Variants in NVL observed in about 807,000 individuals in gnomAD.
NVL encodes nuclear valosin-containing protein-like.
A neutral mutation model predicts 110.2 loss-of-function variants in NVL; 84 were observed. The ratio of observed to expected loss-of-function variants is 0.76; its 90% CI spans 0.64 to 0.91. The LOEUF (loss-of-function observed/expected upper bound fraction) is 0.91, where lower values mean the gene tolerates loss of function less well. Among genes scored for constraint, NVL ranks in the 40% least tolerant of loss-of-function variants. The pLI is 0.00. For synonymous variants in NVL, 354 were observed against 361.1 expected (o/e 0.98, Z 0.22); for missense variants, 882 against 1,035.9 (o/e 0.85, Z 2.04).
At chr1:224,296,463 T>A in intron 11 of NVL, 38 bp downstream of exon 11, 1 of 1,101,190 alleles carries the variant, frequency 9.1e-7, no homozygotes, top group East Asian at 2.6e-5. Flanking sequence ...TTTTAAAAAA[T>A]TTATTCTCTT....
At chr1:224,274,153 C>T (rs979887587) in intron 17 of NVL, among the ~76,000 whole-genome samples, 5 of 151,246 alleles carry the variant, frequency 3.3e-5, no homozygotes, top group East Asian at 1.9e-4. Flanking sequence ...TAGCCAGGTG[C>T]GGTGGCGGGC....
At chr1:224,326,495 A>G (rs768527230) in intron 1 of NVL, 31 bp from the exon 2 acceptor site, 5 of 1,433,390 alleles carry the variant, frequency 3.5e-6, no homozygotes, top group Non-Finnish European at 4.9e-6. Context: ...AATACAAAAC[A>G]CCCAATATTT....
At chr1:224,300,921 A>G (rs1190319891) in intron 9 of NVL, among the ~76,000 whole-genome samples, 1 of 152,132 alleles carries the variant, frequency 6.6e-6, no homozygotes, top group East Asian at 1.9e-4. Flanking sequence ...CCTGACCAAC[A>G]TGGAGAAACC....
rs1473777774 is a variant in NVL, at chr1:224,308,232, G to C, written c.374C>G (p.Ser125Cys). Residue 125 changes from serine to cysteine, a missense_variant, in exon 6 of 23, where the codon TCT becomes TGT. Physicochemically the swap from Ser to Cys is moderately radical, Grantham distance 112 (BLOSUM62 -1). Coordinates refer to ENST00000281701, the MANE Select transcript of NVL (RefSeq NM_002533.4). The part of the protein sequence containing the change: ...SANHMNSSLL[S>C]LYRKGNPDSV... ...ATCAGGATTTCCTTTCCGATATAAA[G>C]ACAGCAGGGAACTGTTCATGTGATT... The C allele has an allele frequency of 8.1e-6, 13 of 1,611,732 alleles. No individual in the cohort carries two copies. The highest frequency in any genetic ancestry group is 1.0e-5 in the Non-Finnish European group (12 of 1,179,330).
chr1:224,318,712 G>A (rs988592527), intron 2 of NVL, among the ~76,000 whole-genome samples: 7 of 151,162 alleles, frequency 4.6e-5, no homozygotes, highest in African/African-American at 9.7e-5. Context: ...AGCCAGGTGC[G>A]GTGGCTCACT....
intron 11 of NVL, 148 bp downstream of exon 11, chr1:224,296,353 T>C (rs1667883307): frequency 4.2e-6 from 2 of 474,704 alleles, no homozygotes; most frequent in African/African-American, 2.0e-5. Context: ...GTGTTAGGAT[T>C]ACAGGCATGA....
At chr1:224,235,893 A>G (rs1660408984) in intron 20 of NVL, among the ~76,000 whole-genome samples, 1 of 151,320 alleles carries the variant, frequency 6.6e-6, no homozygotes, top group East Asian at 1.9e-4. Flanking sequence ...TGATCATGCC[A>G]CTGTACTCCA....
At position 224,227,547 on chromosome 1, in the gene NVL, A is replaced by C; in HGVS notation, c.*79T>G. On this transcript the variant is annotated 3_prime_UTR_variant, in exon 23 of 23. Transcript: ENST00000281701. ...ATGAGGCCGCGCCTGTGTCCAGCTGAAAGTGGGTCCTTCAGAGCGTGTGGG... is the reference window on the plus strand; with the variant it reads ...ATGAGGCCGCGCCTGTGTCCAGCTGCAAGTGGGTCCTTCAGAGCGTGTGGG... 1 of 1,322,090 alleles carries C rather than the reference A, an allele frequency of 7.6e-7. No individual in the cohort carries two copies. The highest frequency in any genetic ancestry group is 1.1e-6 in the Non-Finnish European group (1 of 944,402). 81.9% of individuals were successfully genotyped at this position (1,322,090 alleles called of 1,614,324 possible).
intron 19 of NVL, among the ~76,000 whole-genome samples, chr1:224,244,035 T>G (rs1661517821): frequency 6.6e-6 from 1 of 151,992 alleles, no homozygotes; most frequent in African/African-American, 2.4e-5. Context: ...TTTTCTGAGA[T>G]ATTTTAATGA....
chr1:224,228,665 C>T lies in NVL; in HGVS notation c.2527-995G>A, dbSNP rs1204864907. ...TAAGAAACTGCCAGAATGGGCCGGGCGCGGTGGCTCACACCTGTAATCCCA... is the reference window on the plus strand; with the variant it reads ...TAAGAAACTGCCAGAATGGGCCGGGTGCGGTGGCTCACACCTGTAATCCCA... On this transcript the variant is annotated intron_variant, in intron 22 of 22. Coordinates refer to ENST00000281701, the MANE Select transcript of NVL (RefSeq NM_002533.4). Among the ~76,000 whole-genome samples the T allele has an allele frequency of 6.0e-5, 9 of 148,830 alleles. No homozygotes were observed. In the East Asian group the frequency reaches 1.7e-3, roughly 28 times the overall value.
chr1:224,250,366 TA>T (rs751667116), intron 18 of NVL, 48 bp from the exon 19 acceptor site: 12 of 1,427,618 alleles, frequency 8.4e-6, no homozygotes, highest in South Asian at 1.5e-5. Context: ...CTTTTATTTT[TA>T]TTTTTTTATT....
chr1:224,322,220 G>C (rs1670718353), intron 2 of NVL, among the ~76,000 whole-genome samples: 2 of 150,896 alleles, frequency 1.3e-5, no homozygotes, highest in South Asian at 4.2e-4. Flanking sequence ...AGCTAAGACA[G>C]ACTACAGGTG....
chr1:224,242,007 G>GGACA (rs1293985067), intron 19 of NVL, among the ~76,000 whole-genome samples: 1 of 151,826 alleles, frequency 6.6e-6, no homozygotes, highest in African/African-American at 2.4e-5. Flanking sequence ...ACTCTAGCCT[G>GGACA]GACATCAAGA....
intron 19 of NVL, among the ~76,000 whole-genome samples, chr1:224,243,008 C>T (rs1050857503): frequency 6.6e-6 from 1 of 151,514 alleles, no homozygotes; most frequent in South Asian, 2.1e-4. Flanking sequence ...AATGAGATCA[C>T]CTCATTCAGG....
chr1:224,251,196 C>T (rs1422216203), intron 18 of NVL, among the ~76,000 whole-genome samples: 1 of 147,584 alleles, frequency 6.8e-6, no homozygotes, highest in Non-Finnish European at 1.5e-5. Context: ...ATTGCTTGAG[C>T]CTGGGAGATG....
intron 10 of NVL, 36 bp downstream of exon 10, chr1:224,300,526 G>A (rs201399757): frequency 2.2e-5 from 32 of 1,481,724 alleles, no homozygotes; most frequent in African/African-American, 8.3e-5. Flanking sequence ...AGCTGGTAGC[G>A]TCTGACCACC....
chr1:224,233,040 C>G, intron 21 of NVL, 161 bp downstream of exon 21: 2 of 543,962 alleles, frequency 3.7e-6, no homozygotes, highest in Admixed American at 7.2e-5. Context: ...TTGTCAGCAA[C>G]AGAGGTTACC....
At chr1:224,284,513 T>A (rs1666669053) in intron 15 of NVL, among the ~76,000 whole-genome samples, 1 of 152,048 alleles carries the variant, frequency 6.6e-6, no homozygotes, top group Non-Finnish European at 1.5e-5. Flanking sequence ...GTAGCTGGGA[T>A]TACAGGCATG....
At chr1:224,306,606 T>C (rs949660796) in intron 6 of NVL, among the ~76,000 whole-genome samples, 6 of 151,802 alleles carry the variant, frequency 4.0e-5, no homozygotes, top group Admixed American at 3.9e-4. Context: ...CTGAGGTGGG[T>C]GGATCACTTG....
Sources: gnomAD v4.1 joint callset for allele counts (sites outside exome capture counted in the v4.1 genomes callset) on GRCh38, gnomAD v4.1.1 for gene constraint, MANE v1.5 for transcripts, NCBI Gene and HGNC (gene_info 2026-07-23, HGNC 2026-07-21) for gene names.